Variants in TRHR observed in about 807,000 individuals in gnomAD.
The protein encoded by TRHR is thyrotropin releasing hormone receptor.
In TRHR, 14 loss-of-function variants were observed where a neutral mutation model predicts 28.0. The ratio of observed to expected loss-of-function variants is 0.50; its 90% CI spans 0.33 to 0.78. The LOEUF (loss-of-function observed/expected upper bound fraction) is 0.78, where lower values mean the gene tolerates loss of function less well. Ranked by LOEUF, TRHR falls within the 30% of genes least tolerant of loss-of-function variation. The pLI, the probability that TRHR is intolerant of heterozygous loss-of-function variation, is 0.02. For missense variants in TRHR, 438 were observed against 469.5 expected, an observed-to-expected ratio of 0.93 and a Z score of 0.62; for synonymous variants, 176 against 171.9, an observed-to-expected ratio of 1.02 and a Z score of -0.18.
intron 2 of TRHR, among the ~76,000 whole-genome samples, chr8:109,114,089 A>G (rs1336596875): frequency 6.6e-6 from 1 of 152,072 alleles, no homozygotes; most frequent in Non-Finnish European, 1.5e-5. Context: ...AACTTTTGTG[A>G]GAGGTTTATG....
chr8:109,094,982 G>A (rs1811567588), intron 2 of TRHR, among the ~76,000 whole-genome samples: 1 of 151,564 alleles, frequency 6.6e-6, no homozygotes. Flanking sequence ...TGATTGGTAA[G>A]TATGTTCTTA....
At chr8:109,098,378 T>C (rs1811626773) in intron 2 of TRHR, among the ~76,000 whole-genome samples, 1 of 151,992 alleles carries the variant, frequency 6.6e-6, no homozygotes, top group South Asian at 2.1e-4. Flanking sequence ...GGGATCCTCC[T>C]ACCTTGCCCT....
intron 2 of TRHR, among the ~76,000 whole-genome samples, chr8:109,116,003 T>TCATCAAC (rs1811915919): frequency 1.3e-5 from 2 of 152,216 alleles, no homozygotes; most frequent in Non-Finnish European, 2.9e-5. Context: ...TGAGAGTTTT[T>TCATCAAC]AGCATGAAGG....
At chr8:109,108,930 C>T (rs1347913949) in intron 2 of TRHR, among the ~76,000 whole-genome samples, 1 of 152,148 alleles carries the variant, frequency 6.6e-6, no homozygotes, top group Non-Finnish European at 1.5e-5. Flanking sequence ...ATACTGAAAC[C>T]TCAGCACTAC....
In TRHR at chr8:109,088,060, T is replaced by A. The variant is rs1163112416; in HGVS notation, c.548T>A (p.Ile183Asn). The A allele has an allele frequency of 6.2e-7, 1 of 1,614,140 alleles. No homozygotes were observed. Among genetic ancestry groups the A allele is most frequent in the South Asian group, 1.1e-5 (1 of 91,070 alleles). ...DAIVISCGYK[I>N]SRNYYSPIYL... ...ATTGTGATATCCTGTGGCTACAAGA[T>A]CTCCAGGAATTACTACTCACCTATT... The change falls in exon 2 of 3, where the codon ATC (isoleucine) becomes AAC (asparagine). Residue 183 changes from isoleucine (I) to asparagine (N), a missense_variant. By Grantham distance (149) the Ile-to-Asn change is moderately radical. Transcript: ENST00000518632.
chr8:109,111,592 G>T (rs926232163), intron 2 of TRHR, among the ~76,000 whole-genome samples: 2 of 152,138 alleles, frequency 1.3e-5, no homozygotes, highest in Admixed American at 1.3e-4. Context: ...AGAAATACAA[G>T]AACTAGCATA....
chr8:109,097,977 T>G (rs777352990), intron 2 of TRHR, among the ~76,000 whole-genome samples: 6 of 152,150 alleles, frequency 3.9e-5, no homozygotes, highest in Non-Finnish European at 8.8e-5. Flanking sequence ...ATGGAATTCT[T>G]TCCTCTGAAA....
At chr8:109,087,099 G>T (rs1365017086) in intron 1 of TRHR, among the ~76,000 whole-genome samples, 1 of 152,020 alleles carries the variant, frequency 6.6e-6, no homozygotes, top group African/African-American at 2.4e-5. Flanking sequence ...CATCTAAGAG[G>T]TGTATTCATA....
Position 109,088,230 on chromosome 8 carries a change from C to T in TRHR, c.718C>T (p.His240Tyr), listed in dbSNP as rs373010401. Residue 240 changes from histidine (H) to tyrosine (Y), a missense_variant, in exon 2 of 3, where the codon CAT (histidine) becomes TAT (tyrosine). By Grantham distance (83) the His-to-Tyr change is moderately conservative. Coordinates refer to ENST00000518632, the MANE Select transcript of TRHR (RefSeq NM_003301.7). ...NSKTWKNDST[H>Y]QNTNLNVNTS... ...TAAGACATGGAAAAATGATTCAACC[C>T]ATCAGAACACAAATCTGAATGTAAA... is the stretch of plus-strand genomic sequence containing the variant. The T allele has an allele frequency of 5.0e-6, 8 of 1,613,922 alleles. No homozygotes were observed. In the African/African-American group the frequency reaches 9.3e-5, roughly 19 times the overall value.
chr8:109,089,741 C>A (rs1811494788), intron 2 of TRHR, among the ~76,000 whole-genome samples: 1 of 152,118 alleles, frequency 6.6e-6, no homozygotes, highest in African/African-American at 2.4e-5. Flanking sequence ...TATTGACTAT[C>A]TTCCAAGACA....
At chr8:109,111,233 G>A (rs1361014336) in intron 2 of TRHR, among the ~76,000 whole-genome samples, 1 of 152,126 alleles carries the variant, frequency 6.6e-6, no homozygotes, top group Non-Finnish European at 1.5e-5. Flanking sequence ...AGAATAATCT[G>A]CAAGAAGAAA....
chr8:109,111,366 C>T (rs1040701313), intron 2 of TRHR, among the ~76,000 whole-genome samples: 3 of 152,132 alleles, frequency 2.0e-5, no homozygotes, highest in African/African-American at 7.2e-5. Flanking sequence ...GATCACTTTG[C>T]TGAGGGCCAT....
chr8:109,102,817 T>C (rs760609830), intron 2 of TRHR, among the ~76,000 whole-genome samples: 1 of 152,140 alleles, frequency 6.6e-6, no homozygotes, highest in Non-Finnish European at 1.5e-5. Flanking sequence ...CTGAATTTCT[T>C]TGTGACATCT....
chr8:109,116,385 T>C (rs1021025781), intron 2 of TRHR, among the ~76,000 whole-genome samples: 2 of 152,128 alleles, frequency 1.3e-5, no homozygotes, highest in Non-Finnish European at 2.9e-5. Flanking sequence ...TGGTACCAGC[T>C]CCTCCTTGTA....
At chr8:109,095,813 CT>C (rs1426862455) in intron 2 of TRHR, among the ~76,000 whole-genome samples, 1 of 152,026 alleles carries the variant, frequency 6.6e-6, no homozygotes, top group Non-Finnish European at 1.5e-5. Context: ...TTCTAAGTGC[CT>C]TTTTCTCCTG....
intron 2 of TRHR, among the ~76,000 whole-genome samples, chr8:109,099,644 T>A (rs993887386): frequency 6.6e-6 from 1 of 152,210 alleles, no homozygotes; most frequent in Non-Finnish European, 1.5e-5. Flanking sequence ...CAAGGCCACA[T>A]ACATATGCAC....
rs563113564 is a variant in TRHR, at chr8:109,093,867, A to G, written c.789+5566A>G. ...CCCTCCAACTCATTTAAAAAAAAAA[A>G]AAAAAGACTAAGAAGATAGTTACCG... is the stretch of plus-strand genomic sequence containing the variant. On this transcript the variant is annotated intron_variant, in intron 2 of 2. Coordinates refer to ENST00000518632, the MANE Select transcript of TRHR (RefSeq NM_003301.7). 5.2e-4 allele frequency among the ~76,000 whole-genome samples: 79 copies of G among 152,152 alleles called. 1 individual carries two copies. The highest frequency in any genetic ancestry group is 3.4e-3 in the Middle Eastern group (1 of 294).
intron 2 of TRHR, among the ~76,000 whole-genome samples, chr8:109,098,023 G>A (rs1811620093): frequency 6.6e-6 from 1 of 151,964 alleles, no homozygotes; most frequent in African/African-American, 2.4e-5. Context: ...TCTATTTTAT[G>A]ACCGCAGTTC....
At chr8:109,106,529 GTT>G (rs1419589374) in intron 2 of TRHR, among the ~76,000 whole-genome samples, 1 of 152,068 alleles carries the variant, frequency 6.6e-6, no homozygotes, top group Non-Finnish European at 1.5e-5. Context: ...ATAACAGACT[GTT>G]CCCCGAAAAA....
Sources: gnomAD v4.1 joint callset for allele counts (sites outside exome capture counted in the v4.1 genomes callset) on GRCh38, gnomAD v4.1.1 for gene constraint, MANE v1.5 for transcripts, NCBI Gene and HGNC (gene_info 2026-07-23, HGNC 2026-07-21) for gene names.